The following SASH1 variants were observed in gnomAD, a reference collection of about 807,000 sequenced individuals.
SASH1 encodes the protein SAM and SH3 domain containing 1, also known as SAM and SH3 domain-containing protein 1.
In SASH1, 44 loss-of-function variants were observed where a neutral mutation model predicts 125.2. The observed-to-expected ratio is 0.35, with a 90% confidence interval of 0.28 to 0.45. The LOEUF (loss-of-function observed/expected upper bound fraction) is 0.45. SASH1 is among the 20% of genes least tolerant of loss of function. The pLI is 1.00. For missense variants in SASH1, 1,426 were observed against 1,614.5 expected (o/e 0.88, Z 2.00); for synonymous variants, 639 against 649.1 (o/e 0.98, Z 0.24).
upstream of SASH1, among the ~76,000 whole-genome samples, chr6:148,267,365 T>TTGTGTGTGTGTGTGTGTGTGTG (rs200228547): frequency 0.048 from 6,253 of 129,708 alleles, 304 homozygotes; most frequent in Non-Finnish European, 0.061. Context: ...CAGTACTACT[T>TTGTGTGTGTGTGTGTGTGTGTG]TGTGTGTGTG....
chr6:148,452,852 T>C (rs761747133), intron 4 of SASH1, among the ~76,000 whole-genome samples: 19 of 152,200 alleles, frequency 1.2e-4, no homozygotes, highest in Non-Finnish European at 2.1e-4. Flanking sequence ...ACATGACCTT[T>C]CGTTTCTTTT....
chr6:148,236,219 T>A, the SASH1 span, among the ~76,000 whole-genome samples: 4 of 142,474 alleles, frequency 2.8e-5, no homozygotes, highest in South Asian at 4.4e-4. Context: ...TTAAATTAAA[T>A]TTTTTTTTTT....
intron 18 of SASH1, 94 bp from the exon 19 acceptor site, chr6:148,545,921 A>C: frequency 8.1e-7 from 1 of 1,241,620 alleles, no homozygotes; most frequent in Non-Finnish European, 1.1e-6. Flanking sequence ...AGTCTAAGTG[A>C]CAGTGAGACC....
At position 148,424,189 on chromosome 6, in the gene SASH1, T is replaced by TA. The variant is rs536161411; in HGVS notation, c.286-15989dup. ...TGATGGTGAGTCCATCTTTGTCTTT[T>TA]AAAAAATTTTTTTTCTTTTAGAGAC... On this transcript the variant is annotated intron_variant, in intron 2 of 19. Transcript: ENST00000367467. 4.7e-4 allele frequency among the ~76,000 whole-genome samples: 72 copies of TA among 152,016 alleles called. 2 individuals carry two copies. The South Asian group carries it at 0.012, about 25-fold the overall frequency.
intron 1 of SASH1, among the ~76,000 whole-genome samples, chr6:148,385,796 C>T (rs948283256): frequency 2.0e-5 from 3 of 152,136 alleles, no homozygotes; most frequent in Non-Finnish European, 2.9e-5. Context: ...ACGGAAGCTC[C>T]GACACCCTTC....
chr6:148,207,674 T>C, the SASH1 span, among the ~76,000 whole-genome samples: 3 of 152,214 alleles, frequency 2.0e-5, no homozygotes, highest in Non-Finnish European at 4.4e-5. Flanking sequence ...GATGGATTCA[T>C]TTGCCCCTGC....
At chr6:148,285,078 C>T (rs926326324) in intron 1 of SASH1, among the ~76,000 whole-genome samples, 1 of 152,206 alleles carries the variant, frequency 6.6e-6, no homozygotes, top group Non-Finnish European at 1.5e-5. Flanking sequence ...CATATCCACG[C>T]CCCCTCTCTC....
At chr6:148,341,790 C>T (rs982834934), upstream of SASH1, among the ~76,000 whole-genome samples, 2 of 151,978 alleles carry the variant, frequency 1.3e-5, no homozygotes, top group African/African-American at 4.8e-5. Flanking sequence ...CCTTTTAAAC[C>T]ACAAGGCCCT....
At chr6:148,326,123 G>A (rs1426936112) in intron 1 of SASH1, among the ~76,000 whole-genome samples, 3 of 149,882 alleles carry the variant, frequency 2.0e-5, no homozygotes, top group African/African-American at 7.4e-5. Flanking sequence ...CACCTCCTGG[G>A]TTCAAGCAAT....
At chr6:148,229,133 C>CAAAAAAAAA in the SASH1 span, among the ~76,000 whole-genome samples, 14 of 60,950 alleles carry the variant, frequency 2.3e-4, no homozygotes, top group East Asian at 6.7e-4. Context: ...GACTCCATCT[C>CAAAAAAAAA]AAAAAAAAAA....
chr6:148,514,431 A>G lies in SASH1; in HGVS notation c.837A>G (p.Glu279=). Residue 279 remains glutamate (E), a synonymous_variant, in exon 9 of 20, where the codon GAA becomes GAG. Coordinates refer to ENST00000367467, the MANE Select transcript of SASH1 (RefSeq NM_015278.5). ...RRVRKKLIRV[E]EMKKPSTEGG... is the part of the protein sequence containing the mutation. ...TCAGAAAGAAACTAATTAGGGTGGA[A>G]GAAATGAAAAAACCCAGCACTGAAG... 1 of 1,498,806 alleles carries G rather than the reference A, an allele frequency of 6.7e-7. No individual in the cohort carries two copies. Among genetic ancestry groups the G allele is most frequent in the Non-Finnish European group, 9.1e-7 (1 of 1,098,176 alleles). 92.8% of individuals were successfully genotyped at this position (1,498,806 alleles called of 1,614,324 possible).
chr6:148,324,522 C>T (rs554260795), intron 1 of SASH1, among the ~76,000 whole-genome samples: 4 of 152,156 alleles, frequency 2.6e-5, no homozygotes, highest in Non-Finnish European at 5.9e-5. Context: ...CCAGTCCTTC[C>T]AATTCAGCTT....
chr6:148,262,539 T>C, the SASH1 span, among the ~76,000 whole-genome samples: 469 of 152,234 alleles, frequency 3.1e-3, 2 homozygotes, highest in African/African-American at 0.011. Flanking sequence ...ACAAAAAATC[T>C]GGCTTCAAGT....
intron 2 of SASH1, among the ~76,000 whole-genome samples, chr6:148,421,181 G>GAAAGAAAGAAAA (rs1562396603): frequency 1.3e-4 from 18 of 143,186 alleles, no homozygotes; most frequent in African/African-American, 4.5e-4. Flanking sequence ...AAGAAAGAAA[G>GAAAGAAAGAAAA]AAAGAAAGAA....
chr6:148,408,198 C>T (rs1285377077), intron 2 of SASH1, among the ~76,000 whole-genome samples: 1 of 140,806 alleles, frequency 7.1e-6, no homozygotes, highest in Non-Finnish European at 1.5e-5. Context: ...ACCTCCTACT[C>T]CTGGGTTCAA....
At chr6:148,204,756 T>C in the SASH1 span, among the ~76,000 whole-genome samples, 1 of 151,780 alleles carries the variant, frequency 6.6e-6, no homozygotes, top group Non-Finnish European at 1.5e-5. Context: ...ATAGTAAGTA[T>C]CCAGACCATT....
intron 10 of SASH1, among the ~76,000 whole-genome samples, chr6:148,522,479 C>T (rs1399533133): frequency 2.6e-5 from 4 of 152,098 alleles, no homozygotes; most frequent in East Asian, 1.9e-4. Flanking sequence ...CTTTGTCTTT[C>T]GAAAATGCCA....
chr6:148,251,806 A>G, the SASH1 span, among the ~76,000 whole-genome samples: 4 of 148,186 alleles, frequency 2.7e-5, no homozygotes, highest in Admixed American at 6.7e-5. Context: ...TACATTAGGT[A>G]TATCTCCTAA....
intron 8 of SASH1, among the ~76,000 whole-genome samples, chr6:148,505,858 G>A (rs190634731): frequency 0.012 from 1,897 of 151,792 alleles, 44 homozygotes; most frequent in African/African-American, 0.043. Context: ...GGCTGGTCTC[G>A]AACTCCTGAC....
Sources: gnomAD v4.1 joint callset for allele counts (sites outside exome capture counted in the v4.1 genomes callset) on GRCh38, gnomAD v4.1.1 for gene constraint, MANE v1.5 for transcripts, NCBI Gene and HGNC (gene_info 2026-07-23, HGNC 2026-07-21) for gene names.